SLFN12L: variants seen among roughly 807,000 people sequenced by gnomAD.
SLFN12L encodes schlafen family member 12 like.
In SLFN12L, 34 loss-of-function variants were observed where a neutral mutation model predicts 34.8. The observed-to-expected ratio is 0.98, with a 90% CI of 0.74 to 1.30. The LOEUF (loss-of-function observed/expected upper bound fraction) is 1.30. Among genes scored for constraint, SLFN12L ranks in the 50% most tolerant of loss-of-function variants. The probability of loss-of-function intolerance (pLI) is 0.00; values close to 1 mark genes in which losing one functional copy is unlikely to be tolerated. For synonymous variants in SLFN12L, 259 were observed against 247.5 expected, an observed-to-expected ratio of 1.05 and a Z score of -0.44; for missense variants, 703 against 696.2, an observed-to-expected ratio of 1.01 and a Z score of -0.11.
chr17:35,495,671 AC>A (rs1185012469), intron 2 of SLFN12L, among the ~76,000 whole-genome samples: 1 of 108,890 alleles, frequency 9.2e-6, no homozygotes, highest in Non-Finnish European at 1.9e-5. Context: ...CCACCTCCCT[AC>A]CCCACCCCAC....
chr17:35,523,434 G>A (rs561284610), intron 1 of SLFN12L, among the ~76,000 whole-genome samples: 1 of 152,208 alleles, frequency 6.6e-6, no homozygotes. Flanking sequence ...TTGCGGAGAA[G>A]AGGAAGTTAC....
chr17:35,521,038 G>A (rs1036845797), intron 2 of SLFN12L, among the ~76,000 whole-genome samples: 5 of 152,058 alleles, frequency 3.3e-5, no homozygotes, highest in Non-Finnish European at 1.5e-5. Context: ...TAAATTGTGT[G>A]ATTTTTAAGT....
intron 2 of SLFN12L, chr17:35,498,240 A>C: frequency 1.3e-6 from 1 of 757,884 alleles, no homozygotes. Flanking sequence ...TACCGAGGAG[A>C]TCCAGATGGC....
intron 2 of SLFN12L, chr17:35,500,139 A>G (rs1174308152): frequency 6.6e-6 from 1 of 152,148 alleles, no homozygotes; most frequent in Non-Finnish European, 1.5e-5. Flanking sequence ...AAATTAAGCC[A>G]TTGTTTTCCT....
chr17:35,494,168 A>G lies in SLFN12L; in HGVS notation c.87-13973T>C, dbSNP rs183259279. 7.9e-5 allele frequency among the ~76,000 whole-genome samples: 12 copies of G among 152,236 alleles called. No homozygotes were observed. The East Asian group carries it at 2.1e-3, about 27-fold the overall frequency. ...TCCCAAAATTGGGAGTAGGCAAATT[A>G]CTAATCGGTTTAGCTTTGTGTTGTA... On this transcript the variant is annotated intron_variant, in intron 2 of 4. Transcript: ENST00000628453.
chr17:35,498,580 G>T lies in SLFN12L; in HGVS notation c.87-18385C>A, dbSNP rs147797436. 4 of 1,565,518 alleles carry T rather than the reference G, an allele frequency of 2.6e-6. No homozygotes were observed. In the African/African-American group the frequency reaches 4.1e-5, roughly 16 times the overall value. On this transcript the variant is annotated intron_variant, in intron 2 of 4. Coordinates refer to ENST00000628453, the MANE Select transcript of SLFN12L (RefSeq NM_001363830.2). ...AGTACAGTGGAAAGTTTTTACAGCC[G>T]CTTCCATGGAATGTTTCTGCAGAAA...
chr17:35,499,031 A>G (rs1049844091), intron 2 of SLFN12L: 4 of 742,648 alleles, frequency 5.4e-6, no homozygotes, highest in Non-Finnish European at 7.1e-6. Context: ...ACACTGCAGA[A>G]ATCTCCCCTG....
rs1425109554 is a variant in SLFN12L at position 35,490,845 on chromosome 17, C to G, written c.87-10650G>C. 4 of 1,075,986 alleles carry G rather than the reference C, an allele frequency of 3.7e-6. No individual in the cohort carries two copies. In the East Asian group the frequency reaches 9.5e-5, roughly 25 times the overall value. The allele number at this position is 1,075,986 out of a possible 1,614,324, so 66.7% of individuals were successfully genotyped here. ...GCCTACAAATACATTTGGCAGGTACCCAAGGGCACATTGAGGTTTACTTAT... is the reference window on the plus strand; with the variant it reads ...GCCTACAAATACATTTGGCAGGTACGCAAGGGCACATTGAGGTTTACTTAT... On this transcript the variant is annotated intron_variant, in intron 2 of 4. Transcript: ENST00000628453.
At chr17:35,499,654 C>A in intron 2 of SLFN12L, 1 of 196,662 alleles carries the variant, frequency 5.1e-6, no homozygotes, top group Non-Finnish European at 9.1e-6. Flanking sequence ...ACTGCTGTCC[C>A]TGCACCCTCA....
In SLFN12L at chr17:35,473,209, G is replaced by A. The variant is rs1913836288; in HGVS notation, c.*1714C>T. ...TATGTTGAATAGGAGTGGTGAGAGA[G>A]GGCATTCTTGTCTTGTGCCAATTTT... On this transcript the variant is annotated 3_prime_UTR_variant, in exon 5 of 5. Transcript: ENST00000628453. Among the ~76,000 whole-genome samples the A allele has an allele frequency of 6.6e-6, 1 of 152,288 alleles. No homozygotes were observed. The highest frequency in any genetic ancestry group is 1.9e-4 in the East Asian group (1 of 5,188).
At chr17:35,483,471 G>A (rs780511741) in intron 2 of SLFN12L, among the ~76,000 whole-genome samples, 4 of 152,194 alleles carry the variant, frequency 2.6e-5, no homozygotes, top group Non-Finnish European at 5.9e-5. Context: ...CACAGAAGAA[G>A]TTGACAGTCT....
intron 2 of SLFN12L, among the ~76,000 whole-genome samples, chr17:35,501,933 C>T (rs577521191): frequency 5.6e-4 from 85 of 151,098 alleles, no homozygotes; most frequent in Non-Finnish European, 7.7e-4. Context: ...CTGGCAGAGG[C>T]AAGGAAAGAC....
In SLFN12L at chr17:35,530,508, G is replaced by GAAAGAAAAGA. The variant is rs200936112; in HGVS notation, c.-606+7055_-606+7064dup. Among the ~76,000 whole-genome samples, 180 of 32,738 alleles carry GAAAGAAAAGA rather than the reference G, an allele frequency of 5.5e-3. 9 individuals are homozygous for GAAAGAAAAGA. Among genetic ancestry groups the GAAAGAAAAGA allele is most frequent in the Non-Finnish European group, 8.0e-3 (93 of 11,566 alleles). 21.5% of individuals were successfully genotyped at this position (32,738 alleles called of 152,430 possible). A position where few individuals can be genotyped will look rare whatever the true frequency, so the allele number is the denominator to read the frequency against. On this transcript the variant is annotated intron_variant, in intron 1 of 4. Coordinates refer to ENST00000628453, the MANE Select transcript of SLFN12L (RefSeq NM_001363830.2). ...AGAAAGAAAGAAAGAAAGAAAGAAA[G>GAAAGAAAAGA]AAAGAAAAGAAAAGAAAAGAAAAGA...
At chr17:35,498,169 CG>C in intron 2 of SLFN12L, 1 of 346,148 alleles carries the variant, frequency 2.9e-6, no homozygotes. Flanking sequence ...CATCTCGATC[CG>C]GGAGGCGGCG....
chr17:35,509,798 T>C lies in SLFN12L; in HGVS notation c.86+12481A>G, dbSNP rs543973528. Among the ~76,000 whole-genome samples, 9 of 152,056 alleles carry C rather than the reference T, an allele frequency of 5.9e-5. No individual in the cohort carries two copies. In the East Asian group the frequency reaches 1.2e-3, roughly 20 times the overall value. ...CTGCAAGCTCCGCCTCCTGGGTTCA[T>C]GCCATTCTCCTCCCTCAGCCTCCCG... is the stretch of plus-strand genomic sequence containing the variant. On this transcript the variant is annotated intron_variant, in intron 2 of 4. Transcript: ENST00000628453.
intron 2 of SLFN12L, among the ~76,000 whole-genome samples, chr17:35,493,928 T>C (rs979964296): frequency 1.3e-5 from 2 of 152,214 alleles, no homozygotes; most frequent in Non-Finnish European, 1.5e-5. Flanking sequence ...TTCATTTTTG[T>C]TGTACGTGTA....
Position 35,468,682 on chromosome 17 carries a change from G to A in SLFN12L, c.*6241C>T, listed in dbSNP as rs1913753833. Among the ~76,000 whole-genome samples the A allele has an allele frequency of 6.6e-6, 1 of 152,136 alleles. No homozygotes were observed. The highest frequency in any genetic ancestry group is 2.1e-4 in the South Asian group (1 of 4,822). Reference sequence around the variant, plus strand: ...ACATACACCCCGCACTCCTATGCCTGAAGGAAAATTTAATAGTAGTTACCA... The same window carrying A: ...ACATACACCCCGCACTCCTATGCCTAAAGGAAAATTTAATAGTAGTTACCA... On this transcript the variant is annotated 3_prime_UTR_variant, in exon 5 of 5. Transcript: ENST00000628453.
rs1243562320 is a variant in SLFN12L at position 35,466,576 on chromosome 17, T to G, written c.*8347A>C. 6.6e-6 allele frequency among the ~76,000 whole-genome samples: 1 copy of G among 152,232 alleles called. No individual in the cohort carries two copies. Among genetic ancestry groups the G allele is most frequent in the Non-Finnish European group, 1.5e-5 (1 of 68,036 alleles). The stretch of plus-strand genomic sequence containing the variant: ...ATAAGAGTCCAACATCTTTTCATCC[T>G]TTTTGGGTTTTCATGGCAAAATATT... On this transcript the variant is annotated 3_prime_UTR_variant, in exon 5 of 5. Transcript: ENST00000628453.
At chr17:35,480,627 TC>T (rs1458583861) in intron 2 of SLFN12L, 1 of 153,248 alleles carries the variant, frequency 6.5e-6, no homozygotes, top group Non-Finnish European at 1.5e-5. Context: ...ATTAATTATC[TC>T]CTTTTATGGG....
Sources: allele counts gnomAD v4.1 joint callset (sites outside exome capture counted in the v4.1 genomes callset), GRCh38; gene constraint gnomAD v4.1.1; transcripts MANE v1.5; gene names NCBI Gene and HGNC (gene_info 2026-07-23, HGNC 2026-07-21).